GRK3: variants seen among roughly 807,000 people sequenced by gnomAD.
The protein encoded by GRK3 is adrenergic, beta, receptor kinase 2.
GRK3 carries 54 observed loss-of-function variants against 95.7 expected under a neutral mutation model. The observed-to-expected ratio is 0.56, with a 90% CI of 0.45 to 0.71. The LOEUF (loss-of-function observed/expected upper bound fraction) is 0.71. GRK3 is among the 30% of genes least tolerant of loss of function. GRK3 has a pLI of 0.00. For missense variants in GRK3, 649 were observed against 851.2 expected (o/e 0.76, Z 2.96); for synonymous variants, 281 against 290.8 (o/e 0.97, Z 0.34).
chr22:25,658,960 GA>G (rs1329082550), intron 3 of GRK3, among the ~76,000 whole-genome samples: 1 of 152,124 alleles, frequency 6.6e-6, no homozygotes, highest in East Asian at 1.9e-4. Context: ...ATATTCAACT[GA>G]AAATGTCAAA....
intron 2 of GRK3, 88 bp downstream of exon 2, chr22:25,604,541 G>A: frequency 2.5e-6 from 2 of 808,532 alleles, no homozygotes; most frequent in Non-Finnish European, 3.9e-6. Context: ...ACCCCCTAGT[G>A]CTTTATATCC....
intron 18 of GRK3, among the ~76,000 whole-genome samples, chr22:25,716,556 G>C (rs759632633): frequency 2.6e-5 from 4 of 151,920 alleles, no homozygotes; most frequent in African/African-American, 4.8e-5. Context: ...GCATAAGTAG[G>C]TCTTGGCTGA....
intron 1 of GRK3, among the ~76,000 whole-genome samples, chr22:25,604,023 A>T (rs1001628685): frequency 2.6e-5 from 4 of 152,112 alleles, no homozygotes; most frequent in African/African-American, 9.7e-5. Context: ...GGGCACAGGC[A>T]TGTGTGGTGT....
intron 13 of GRK3, among the ~76,000 whole-genome samples, chr22:25,699,057 C>T (rs779276135): frequency 2.9e-4 from 44 of 152,208 alleles, no homozygotes; most frequent in African/African-American, 7.9e-4. Flanking sequence ...CTGAAGTGTA[C>T]GGAGGGCCTT....
At position 25,591,264 on chromosome 22, in the gene GRK3, A is replaced by G. The variant is rs543791908; in HGVS notation, c.114-13113A>G. Among the ~76,000 whole-genome samples the G allele has an allele frequency of 3.3e-5, 5 of 152,350 alleles. No individual in the cohort carries two copies. In the South Asian group the frequency reaches 1.0e-3, roughly 32 times the overall value. On this transcript the variant is annotated intron_variant, in intron 1 of 20. Transcript: ENST00000324198. Reference sequence around the variant, plus strand: ...AGGAATAGCAAAATGGAAGAGGTACATGGTGCAGGGTCTTGCAGGGAGGGG... The same window carrying G: ...AGGAATAGCAAAATGGAAGAGGTACGTGGTGCAGGGTCTTGCAGGGAGGGG...
At chr22:25,595,585 T>A (rs1357854494) in intron 1 of GRK3, among the ~76,000 whole-genome samples, 1 of 152,128 alleles carries the variant, frequency 6.6e-6, no homozygotes, top group East Asian at 1.9e-4. Flanking sequence ...TAGTCAAGAA[T>A]TGTAGGAAAA....
In GRK3 at chr22:25,676,516, C is replaced by G. The variant is rs80290139; in HGVS notation, c.647+1988C>G. 2.0e-5 allele frequency among the ~76,000 whole-genome samples: 3 copies of G among 152,028 alleles called. No individual in the cohort carries two copies. In the East Asian group the frequency reaches 5.8e-4, roughly 29 times the overall value. On this transcript the variant is annotated intron_variant, in intron 8 of 20. Transcript: ENST00000324198. ...ACTGTCCTGGCTAACACAGTGAAAC[C>G]CTGTCACTACTAAAAATACAAAAAA...
rs752318502 is a variant in GRK3 at position 25,661,576 on chromosome 22, A to G, written c.265A>G (p.Ile89Val). ...AVPQVKFYEE[I>V]KEYEKLDNEE... ...ACAATGATAACTTTAAAAAACCTAG[A>G]TAAAGGAATATGAAAAACTTGATAA... is the stretch of plus-strand genomic sequence containing the variant. Residue 89 changes from isoleucine (I) to valine (V), a missense_variant and splice_region_variant, in exon 4 of 21, where the codon ATA becomes GTA. Ile to Val is a conservative substitution (Grantham distance 29, BLOSUM62 3). This residue lies in a region of GRK3 where 206 missense variants were observed against 231.4 expected (regional missense o/e 0.89). Coordinates refer to ENST00000324198, the MANE Select transcript of GRK3 (RefSeq NM_005160.4). The G allele has an allele frequency of 6.2e-6, 10 of 1,601,636 alleles. No homozygotes were observed. The highest frequency in any genetic ancestry group is 8.5e-6 in the Non-Finnish European group (10 of 1,170,288).
chr22:25,695,030 AC>A lies in GRK3; in HGVS notation c.1053-74del, dbSNP rs371026280. ...CAGTCGCTGCCATCTAATGAAGGAC[AC>A]CCGGACCTTGGGGCGCTGTTAGTGT... On this transcript the variant is annotated intron_variant, in intron 12 of 20. Coordinates refer to ENST00000324198, the MANE Select transcript of GRK3 (RefSeq NM_005160.4). 51 of 980,174 alleles carry A rather than the reference AC, an allele frequency of 5.2e-5. No individual in the cohort carries two copies. In the African/African-American group the frequency reaches 6.1e-4, roughly 12 times the overall value. 60.7% of individuals were successfully genotyped at this position (980,174 alleles called of 1,614,324 possible).
chr22:25,601,725 A>G (rs2084410508), intron 1 of GRK3, among the ~76,000 whole-genome samples: 1 of 152,202 alleles, frequency 6.6e-6, no homozygotes, highest in Admixed American at 6.5e-5. Context: ...TAATGGAGAA[A>G]AAGAAAGAAG....
intron 13 of GRK3, among the ~76,000 whole-genome samples, chr22:25,696,200 G>A (rs756769072): frequency 6.6e-6 from 1 of 151,874 alleles, no homozygotes; most frequent in African/African-American, 2.4e-5. Context: ...GGCTGGTCTC[G>A]AACTCCTGGC....
intron 3 of GRK3, among the ~76,000 whole-genome samples, chr22:25,646,305 G>T (rs1176718220): frequency 1.3e-5 from 2 of 152,140 alleles, no homozygotes; most frequent in African/African-American, 2.4e-5. Flanking sequence ...ATAATTTCAG[G>T]ATAATTTGAA....
At chr22:25,624,859 T>C (rs1013201293) in intron 2 of GRK3, among the ~76,000 whole-genome samples, 2 of 152,158 alleles carry the variant, frequency 1.3e-5, no homozygotes, top group African/African-American at 4.8e-5. Flanking sequence ...TAACTGCCAT[T>C]AGTATCAAAC....
At chr22:25,633,089 G>T (rs1224255413) in intron 2 of GRK3, among the ~76,000 whole-genome samples, 59 of 148,224 alleles carry the variant, frequency 4.0e-4, no homozygotes, top group Middle Eastern at 6.9e-3. Flanking sequence ...TTTTTTTTTT[G>T]TATTTTTAAT....
intron 1 of GRK3, among the ~76,000 whole-genome samples, chr22:25,573,071 CA>C (rs1931762841): frequency 6.6e-6 from 1 of 152,170 alleles, no homozygotes; most frequent in Non-Finnish European, 1.5e-5. Flanking sequence ...TTGTGAGAAA[CA>C]AGTTTAGTTC....
intron 3 of GRK3, among the ~76,000 whole-genome samples, chr22:25,652,990 G>A (rs2084845394): frequency 6.6e-6 from 1 of 152,120 alleles, no homozygotes; most frequent in South Asian, 2.1e-4. Flanking sequence ...GCTCTGTGAT[G>A]TTCACACAAT....
At position 25,592,524 on chromosome 22, in the gene GRK3, T is replaced by G. The variant is rs191834592; in HGVS notation, c.114-11853T>G. Among the ~76,000 whole-genome samples the G allele has an allele frequency of 7.2e-5, 11 of 152,300 alleles. No homozygotes were observed. In the East Asian group the frequency reaches 2.1e-3, roughly 29 times the overall value. ...TTTCTCTTATTATTCATGTTTTTGCTCTCATGTCTAAAGTCTTTGCTTGAA... is the reference window on the plus strand; with the variant it reads ...TTTCTCTTATTATTCATGTTTTTGCGCTCATGTCTAAAGTCTTTGCTTGAA... On this transcript the variant is annotated intron_variant, in intron 1 of 20. Coordinates refer to ENST00000324198, the MANE Select transcript of GRK3 (RefSeq NM_005160.4).
chr22:25,708,818 T>A (rs982494204), intron 15 of GRK3, among the ~76,000 whole-genome samples: 1 of 151,228 alleles, frequency 6.6e-6, no homozygotes, highest in East Asian at 2.0e-4. Context: ...CCTGCCACCA[T>A]GCCCAGCTAA....
chr22:25,707,713 C>T (rs1255955857), intron 15 of GRK3, among the ~76,000 whole-genome samples: 5 of 152,144 alleles, frequency 3.3e-5, no homozygotes, highest in African/African-American at 7.2e-5. Context: ...GTTATAAATG[C>T]GAAGCAAGAC....
Sources: gnomAD v4.1 joint callset for allele counts (sites outside exome capture counted in the v4.1 genomes callset) on GRCh38, gnomAD v4.1.1 for gene constraint, gnomAD v4.1.1 regional missense constraint, MANE v1.5 for transcripts, NCBI Gene and HGNC (gene_info 2026-07-23, HGNC 2026-07-21) for gene names.